DLGAP3: variants seen among roughly 807,000 people sequenced by gnomAD.
The protein encoded by DLGAP3 is disks large-associated protein 3.
A neutral mutation model predicts 81.2 loss-of-function variants in DLGAP3; 17 were observed. The observed-to-expected ratio is 0.21, with a 90% CI of 0.14 to 0.31. DLGAP3 has a LOEUF of 0.31. Ranked by LOEUF, DLGAP3 falls within the 10% of genes least tolerant of loss-of-function variation. DLGAP3 has a pLI of 1.00. For synonymous variants in DLGAP3, 577 were observed against 587.4 expected, an observed-to-expected ratio of 0.98 and a Z score of 0.26; for missense variants, 1,124 against 1,388.0, an observed-to-expected ratio of 0.81 and a Z score of 3.02.
intron 5 of DLGAP3, among the ~76,000 whole-genome samples, chr1:34,893,008 T>A (rs1639335481): frequency 6.7e-6 from 1 of 149,980 alleles, no homozygotes; most frequent in South Asian, 2.1e-4. Flanking sequence ...CCGTCTCTAC[T>A]AAAAATACAA....
At position 34,929,383 on chromosome 1, in the gene DLGAP3, C is replaced by A. The variant is rs112799529; in HGVS notation, c.-135+68G>T. The A allele has an allele frequency of 0.058, 8,641 of 148,404 alleles. 809 individuals are homozygous for A. Among genetic ancestry groups the A allele is most frequent in the African/African-American group, 0.2 (8,053 of 41,072 alleles). 9.2% of individuals were successfully genotyped at this position (148,404 alleles called of 1,614,324 possible). On this transcript the variant is annotated intron_variant, in intron 1 of 11. Transcript: ENST00000373347. The surrounding 1 kb of genome is among the most constrained non-coding windows in gnomAD (Gnocchi z 6.5). ...GGCGGCGCCGGGGCCGCAGCCGGGC[C>A]GTGCCTGGGGGGCGCTGCAGAGGGA... is the stretch of plus-strand genomic sequence containing the variant.
intron 1 of DLGAP3, among the ~76,000 whole-genome samples, chr1:34,916,359 C>T (rs1315542220): frequency 6.6e-6 from 1 of 152,236 alleles, no homozygotes; most frequent in Non-Finnish European, 1.5e-5. Context: ...ACATTTCAGA[C>T]CAGACAACCT....
chr1:34,865,717 G>T lies in DLGAP3; in HGVS notation c.*366C>A, dbSNP rs996453409. On this transcript the variant is annotated 3_prime_UTR_variant, in exon 12 of 12. Coordinates refer to ENST00000373347, the MANE Select transcript of DLGAP3 (RefSeq NM_001080418.3). ...GATCCCCACGAAGCCCAGCCCCGCG[G>T]GGTGGGGGAGGGGGGGACGCAGAGC... 1 of 333,738 alleles carries T rather than the reference G, an allele frequency of 3.0e-6. No individual in the cohort carries two copies. 20.7% of individuals were successfully genotyped at this position (333,738 alleles called of 1,614,324 possible). A position where few individuals can be genotyped will look rare whatever the true frequency, so the allele number is the denominator to read the frequency against.
intron 5 of DLGAP3, among the ~76,000 whole-genome samples, chr1:34,888,390 C>T (rs1407980602): frequency 6.6e-6 from 1 of 152,206 alleles, no homozygotes; most frequent in Non-Finnish European, 1.5e-5. Context: ...GTCATGCTTC[C>T]TGGCTCCCAT....
At chr1:34,922,663 CAT>C (rs572188100) in intron 1 of DLGAP3, among the ~76,000 whole-genome samples, 104 of 152,318 alleles carry the variant, frequency 6.8e-4, no homozygotes, top group Non-Finnish European at 1.3e-3. Context: ...TGCTTATACA[CAT>C]ATACACAGCA....
At chr1:34,926,729 G>T (rs1181829063) in intron 1 of DLGAP3, among the ~76,000 whole-genome samples, 3 of 152,086 alleles carry the variant, frequency 2.0e-5, no homozygotes, top group Admixed American at 2.0e-4. Flanking sequence ...CTGAATTTCA[G>T]TCTCCCCACC....
chr1:34,926,478 G>C (rs1639874371), intron 1 of DLGAP3, among the ~76,000 whole-genome samples: 1 of 152,196 alleles, frequency 6.6e-6, no homozygotes, highest in Non-Finnish European at 1.5e-5. Context: ...AGGAAATCAA[G>C]ACATAATGCT....
At chr1:34,913,189 T>C (rs902295942) in intron 1 of DLGAP3, among the ~76,000 whole-genome samples, 3 of 152,188 alleles carry the variant, frequency 2.0e-5, no homozygotes, top group African/African-American at 7.2e-5. Flanking sequence ...TTCATTCATC[T>C]TTATTACTTT....
intron 8 of DLGAP3, among the ~76,000 whole-genome samples, chr1:34,877,109 G>T (rs1461342227): frequency 6.6e-6 from 1 of 152,202 alleles, no homozygotes; most frequent in Non-Finnish European, 1.5e-5. Context: ...GTGAGAGGGG[G>T]TCTAAGCCAA....
At chr1:34,899,601 C>A (rs1639424223) in intron 5 of DLGAP3, 68 bp downstream of exon 5, 3 of 1,377,988 alleles carry the variant, frequency 2.2e-6, no homozygotes, top group East Asian at 2.3e-5. Flanking sequence ...GATTTTAAGT[C>A]CTAAGCTGAG....
At position 34,885,616 on chromosome 1, in the gene DLGAP3, C is replaced by T. The variant is rs958224828; in HGVS notation, c.1776G>A (p.Ala592=). ...GCACCGGCGCCAACTCCAGTGTGCG[C>T]GCACCCATGGCGGGGCCGTCCAGCC... ...ADGLDGPAMG[A]RTLELAPVPP... is the part of the protein sequence containing the mutation. Residue 592 remains alanine, a synonymous_variant, in exon 7 of 12, where the codon GCG becomes GCA. Transcript: ENST00000373347. 1.1e-5 allele frequency: 17 copies of T among 1,570,604 alleles called. No homozygotes were observed. In the Admixed American group the frequency reaches 1.1e-4, roughly 10 times the overall value.
intron 1 of DLGAP3, among the ~76,000 whole-genome samples, chr1:34,917,074 CT>C (rs1268577115): frequency 6.6e-6 from 1 of 152,040 alleles, no homozygotes; most frequent in African/African-American, 2.4e-5. Flanking sequence ...CCAGTGTGCC[CT>C]TTCTCATCAC....
intron 5 of DLGAP3, among the ~76,000 whole-genome samples, chr1:34,892,713 A>G (rs1186611305): frequency 6.6e-6 from 1 of 152,240 alleles, no homozygotes; most frequent in Non-Finnish European, 1.5e-5. Flanking sequence ...AAAAAACATT[A>G]GAGATCAAAG....
At chr1:34,883,113 T>C (rs1198825045) in intron 8 of DLGAP3, among the ~76,000 whole-genome samples, 2 of 152,250 alleles carry the variant, frequency 1.3e-5, no homozygotes, top group African/African-American at 4.8e-5. Flanking sequence ...AAAATCCCAC[T>C]ACCTATTATA....
At chr1:34,910,323 T>C (rs181732894) in intron 1 of DLGAP3, among the ~76,000 whole-genome samples, 1 of 152,356 alleles carries the variant, frequency 6.6e-6, no homozygotes, top group East Asian at 1.9e-4. Flanking sequence ...TGCCTGCATG[T>C]CTGCACGTCT....
rs1639313253 is a variant in DLGAP3 at position 34,891,688 on chromosome 1, T to C, written c.1387-5403A>G. ...GCCCTCCCCAGCTCACACATAGAACTATAGGCAGACACAAAGTCTAACTAG... is the reference window on the plus strand; with the variant it reads ...GCCCTCCCCAGCTCACACATAGAACCATAGGCAGACACAAAGTCTAACTAG... On this transcript the variant is annotated intron_variant, in intron 5 of 11. Transcript: ENST00000373347. Among the ~76,000 whole-genome samples, 3 of 152,196 alleles carry C rather than the reference T, an allele frequency of 2.0e-5. No individual in the cohort carries two copies. The East Asian group carries it at 5.8e-4, about 29-fold the overall frequency.
At chr1:34,924,868 T>G (rs796672628) in intron 1 of DLGAP3, among the ~76,000 whole-genome samples, 11 of 152,282 alleles carry the variant, frequency 7.2e-5, no homozygotes, top group African/African-American at 2.4e-4. Flanking sequence ...AAATCCATAT[T>G]TCCATCCATG....
intron 8 of DLGAP3, among the ~76,000 whole-genome samples, chr1:34,870,395 T>G (rs908383705): frequency 6.6e-6 from 1 of 152,146 alleles, no homozygotes; most frequent in Admixed American, 6.5e-5. Context: ...CCTCCACCCC[T>G]ACATGGTCAG....
intron 1 of DLGAP3, among the ~76,000 whole-genome samples, chr1:34,910,900 G>T (rs1335522915): frequency 6.6e-6 from 1 of 152,124 alleles, no homozygotes; most frequent in Non-Finnish European, 1.5e-5. Context: ...CCAGTCCCTA[G>T]AACAATGCTT....
Sources: allele counts gnomAD v4.1 joint callset (sites outside exome capture counted in the v4.1 genomes callset), GRCh38; gene constraint gnomAD v4.1.1; non-coding constraint Gnocchi (gnomAD v3.1); transcripts MANE v1.5; gene names NCBI Gene and HGNC (gene_info 2026-07-23, HGNC 2026-07-21).